LIN54: variants seen among roughly 807,000 people sequenced by gnomAD.
LIN54 encodes lin-54 DREAM MuvB core complex component.
In LIN54, 9 loss-of-function variants were observed where a neutral mutation model predicts 78.7. That is an observed-to-expected ratio of 0.11 (90% confidence interval 0.07 to 0.20). The LOEUF (loss-of-function observed/expected upper bound fraction) is 0.20. Among genes scored for constraint, LIN54 ranks in the 10% least tolerant of loss-of-function variants. The pLI, the probability that LIN54 is intolerant of heterozygous loss-of-function variation, is 1.00. For missense variants in LIN54, 573 were observed against 889.9 expected (o/e 0.64, Z 4.53); for synonymous variants, 269 against 318.4 (o/e 0.84, Z 1.65).
chr4:82,934,677 CA>C (rs1298223521), intron 11 of LIN54, among the ~76,000 whole-genome samples: 1 of 152,140 alleles, frequency 6.6e-6, no homozygotes, highest in Non-Finnish European at 1.5e-5. Context: ...AAACCTTCAG[CA>C]AGTGCAAAGC....
rs571145731 is a variant in LIN54 at position 82,955,820 on chromosome 4, C to T, written c.952-9346G>A. Reference sequence around the variant, plus strand: ...TTTCCCAAAAGTGTCCCTATCTTTTCTATACATAAAGACACATCTACAGAT... The same window carrying T: ...TTTCCCAAAAGTGTCCCTATCTTTTTTATACATAAAGACACATCTACAGAT... On this transcript the variant is annotated intron_variant, in intron 4 of 12. Coordinates refer to ENST00000340417, the MANE Select transcript of LIN54 (RefSeq NM_194282.4). 6.1e-4 allele frequency among the ~76,000 whole-genome samples: 92 copies of T among 151,590 alleles called. 1 individual carries two copies. The highest frequency in any genetic ancestry group is 1.5e-4 in the Non-Finnish European group (10 of 67,956).
Position 82,936,394 on chromosome 4 carries a change from A to C in LIN54, c.1605-13T>G, listed in dbSNP as rs1337982244. The C allele has an allele frequency of 5.6e-6, 8 of 1,418,298 alleles. No individual in the cohort carries two copies. The highest frequency in any genetic ancestry group is 7.8e-6 in the Non-Finnish European group (8 of 1,027,262). 87.9% of individuals were successfully genotyped at this position (1,418,298 alleles called of 1,614,324 possible). A position where few individuals can be genotyped will look rare whatever the true frequency, so the allele number is the denominator to read the frequency against. On this transcript the variant is annotated splice_polypyrimidine_tract_variant and intron_variant, in intron 9 of 12. Coordinates refer to ENST00000340417, the MANE Select transcript of LIN54 (RefSeq NM_194282.4). Reference sequence around the variant, plus strand: ...GCAATCACAATACCTGAAAGGTAAAAGTCAGTATAAGGTAAAAAGTCATTA... The same window carrying C: ...GCAATCACAATACCTGAAAGGTAAACGTCAGTATAAGGTAAAAAGTCATTA...
At chr4:82,981,661 A>G (rs375978650) in intron 2 of LIN54, among the ~76,000 whole-genome samples, 3 of 152,210 alleles carry the variant, frequency 2.0e-5, no homozygotes, top group East Asian at 1.9e-4. Context: ...ACAAGTAAAA[A>G]AAATTCTAAA....
At chr4:83,005,673 G>A (rs1729295993) in intron 1 of LIN54, among the ~76,000 whole-genome samples, 1 of 152,048 alleles carries the variant, frequency 6.6e-6, no homozygotes, top group African/African-American at 2.4e-5. Context: ...CGAGGCCGTG[G>A]GAACACGTAT....
chr4:83,011,987 T>C, upstream of LIN54: 3 of 979,766 alleles, frequency 3.1e-6, no homozygotes, highest in Non-Finnish European at 3.6e-6. Context: ...AAGGTTGAAG[T>C]TGAAGTTGAA....
intron 2 of LIN54, among the ~76,000 whole-genome samples, chr4:82,979,964 A>AAAAAAAAAAAAAAC (rs1726496426): frequency 2.1e-5 from 3 of 139,672 alleles, no homozygotes; most frequent in South Asian, 2.4e-4. Flanking sequence ...AAAAAAAAAA[A>AAAAAAAAAAAAAAC]AATACTGGGT....
intron 4 of LIN54, among the ~76,000 whole-genome samples, chr4:82,949,337 T>C (rs918156968): frequency 4.6e-5 from 7 of 152,326 alleles, no homozygotes; most frequent in Non-Finnish European, 8.8e-5. Flanking sequence ...TCAGGTACTT[T>C]GCGTATTTTT....
chr4:82,958,947 C>T (rs1333791303), intron 4 of LIN54, among the ~76,000 whole-genome samples: 3 of 152,194 alleles, frequency 2.0e-5, no homozygotes, highest in African/African-American at 7.2e-5. Context: ...GGTGATCCTT[C>T]TGCCTCAGCC....
chr4:82,954,826 G>C (rs1337069913), intron 4 of LIN54, among the ~76,000 whole-genome samples: 1 of 152,122 alleles, frequency 6.6e-6, no homozygotes, highest in African/African-American at 2.4e-5. Flanking sequence ...GCAAAAAAAG[G>C]AATCTAGACA....
In LIN54 at chr4:82,924,912, A is replaced by G. The variant is rs560980503; in HGVS notation, c.*3190T>C. 6.5e-6 allele frequency: 1 copy of G among 152,806 alleles called. No homozygotes were observed. The highest frequency in any genetic ancestry group is 6.5e-5 in the Admixed American group (1 of 15,310). 9.5% of individuals were successfully genotyped at this position (152,806 alleles called of 1,614,324 possible). ...GGTCCTGCTGTGAAGCTTCATTTAC[A>G]TAACAAGTATTCATTTTCTTAACTA... On this transcript the variant is annotated 3_prime_UTR_variant, in exon 13 of 13. Coordinates refer to ENST00000340417, the MANE Select transcript of LIN54 (RefSeq NM_194282.4).
At chr4:82,934,555 T>C (rs1361879845) in intron 11 of LIN54, among the ~76,000 whole-genome samples, 2 of 152,204 alleles carry the variant, frequency 1.3e-5, no homozygotes, top group Non-Finnish European at 2.9e-5. Context: ...TGTAAATAAG[T>C]AGATTAGGAA....
At chr4:83,012,127 A>G, upstream of LIN54, 7 of 651,340 alleles carry the variant, frequency 1.1e-5, no homozygotes, top group Non-Finnish European at 1.3e-5. Context: ...CCAGATGCTG[A>G]GAGTATAAAG....
At chr4:82,999,605 T>C (rs890168969) in intron 1 of LIN54, among the ~76,000 whole-genome samples, 2 of 151,574 alleles carry the variant, frequency 1.3e-5, no homozygotes, top group Admixed American at 6.6e-5. Flanking sequence ...GGTGAAACCC[T>C]GTCTCTACCA....
chr4:82,998,241 A>G (rs1249231755), intron 1 of LIN54, among the ~76,000 whole-genome samples: 1 of 151,534 alleles, frequency 6.6e-6, no homozygotes, highest in African/African-American at 2.4e-5. Flanking sequence ...AATTTTTGAG[A>G]TATTTAAAAA....
intron 1 of LIN54, among the ~76,000 whole-genome samples, chr4:82,994,959 C>A (rs1680735320): frequency 6.6e-6 from 1 of 151,966 alleles, no homozygotes; most frequent in Non-Finnish European, 1.5e-5. Flanking sequence ...GAGTGGGACT[C>A]TCCCTTTGAA....
At chr4:82,970,719 G>A (rs933321720) in intron 3 of LIN54, among the ~76,000 whole-genome samples, 5 of 152,238 alleles carry the variant, frequency 3.3e-5, no homozygotes, top group African/African-American at 1.2e-4. Context: ...CATCAATACT[G>A]TTGTTATATC....
At chr4:82,962,726 T>G (rs1395145491) in intron 4 of LIN54, among the ~76,000 whole-genome samples, 1 of 150,752 alleles carries the variant, frequency 6.6e-6, no homozygotes. Context: ...ATTTGTAGAC[T>G]CCAAACAACT....
At chr4:82,991,674 T>G (rs879133865) in intron 1 of LIN54, among the ~76,000 whole-genome samples, 1 of 152,196 alleles carries the variant, frequency 6.6e-6, no homozygotes, top group Non-Finnish European at 1.5e-5. Context: ...CTTTCCCAAT[T>G]TGATGAGGTT....
At position 83,004,926 on chromosome 4, in the gene LIN54, G is replaced by A. The variant is rs561851798; in HGVS notation, c.-33+5558C>T. On this transcript the variant is annotated intron_variant, in intron 1 of 12. Coordinates refer to ENST00000340417, the MANE Select transcript of LIN54 (RefSeq NM_194282.4). The stretch of plus-strand genomic sequence containing the variant: ...TTGTTTGTTTTTGAGACAGAGTCTG[G>A]CTCTGTCGCCCAGGCTGGAGTGCAG... 2.6e-5 allele frequency among the ~76,000 whole-genome samples: 4 copies of A among 152,152 alleles called. No individual in the cohort carries two copies. The South Asian group carries it at 8.3e-4, about 32-fold the overall frequency.
Sources: allele counts gnomAD v4.1 joint callset (sites outside exome capture counted in the v4.1 genomes callset), GRCh38; gene constraint gnomAD v4.1.1; transcripts MANE v1.5; gene names NCBI Gene and HGNC (gene_info 2026-07-23, HGNC 2026-07-21).